UPRT: variants seen among roughly 807,000 people sequenced by gnomAD.
UPRT encodes the protein uracil phosphoribosyltransferase homolog.
A neutral mutation model predicts 22.6 loss-of-function variants in UPRT; 5 were observed. The ratio of observed to expected loss-of-function variants is 0.22; its 90% CI spans 0.12 to 0.47. The LOEUF is 0.47. Ranked by LOEUF, UPRT falls within the 20% of genes least tolerant of loss-of-function variation. UPRT has a pLI of 0.99. For synonymous variants in UPRT, 77 were observed against 87.7 expected (o/e 0.88, Z 0.68); for missense variants, 181 against 239.9 (o/e 0.75, Z 1.62).
chrX:75,209,827 G>C (rs1230633078), intron 4 of UPRT, among the ~76,000 whole-genome samples: 1 of 112,516 alleles, frequency 8.9e-6, no homozygotes, highest in Non-Finnish European at 1.9e-5. Context: ...TGGGAACCCT[G>C]TTGAATGACA....
chrX:75,199,770 T>A (rs778405555), intron 4 of UPRT, among the ~76,000 whole-genome samples: 46 of 111,682 alleles, frequency 4.1e-4, no homozygotes, highest in Non-Finnish European at 7.5e-4. Flanking sequence ...ATACTTTAAG[T>A]TCTGAGATAC....
chrX:75,224,876 C>T (rs1338591648), intron 4 of UPRT, among the ~76,000 whole-genome samples: 1 of 111,547 alleles, frequency 9.0e-6, no homozygotes, highest in Non-Finnish European at 1.9e-5. Context: ...AATGCCTCTA[C>T]ACTCTGTTGC....
intron 4 of UPRT, among the ~76,000 whole-genome samples, chrX:75,181,584 G>C (rs1342294930): frequency 2.7e-5 from 3 of 110,997 alleles, no homozygotes; most frequent in Non-Finnish European, 5.7e-5. Context: ...TGTATTCTGA[G>C]GTATTTTATA....
intron 4 of UPRT, among the ~76,000 whole-genome samples, chrX:75,217,817 G>C (rs1199993026): frequency 8.9e-6 from 1 of 112,201 alleles, no homozygotes; most frequent in African/African-American, 3.2e-5. Flanking sequence ...ATGGTGCTGG[G>C]AAAACTGGCT....
At chrX:75,185,727 A>G (rs1371206568) in intron 4 of UPRT, among the ~76,000 whole-genome samples, 2 of 111,424 alleles carry the variant, frequency 1.8e-5, no homozygotes, top group African/African-American at 6.5e-5. Flanking sequence ...CAGAGATTCA[A>G]CTTCTTCCTG....
At chrX:75,289,961 T>G (rs1221724034) in intron 1 of UPRT, among the ~76,000 whole-genome samples, 1 of 111,679 alleles carries the variant, frequency 9.0e-6, no homozygotes, top group Non-Finnish European at 1.9e-5. Context: ...GAGACCTAAT[T>G]AAACTAAAGA....
At position 75,169,071 on chromosome X, in the gene UPRT, T is replaced by C. The variant is rs187619277; in HGVS notation, c.-447+1192T>C. Among the ~76,000 whole-genome samples, 377 of 111,848 alleles carry C rather than the reference T, an allele frequency of 3.4e-3. 2 individuals carry two copies. Among genetic ancestry groups the C allele is most frequent in the African/African-American group, 0.012 (359 of 30,801 alleles). ...TGAGTTACTTCACTTAGACTAATAG[T>C]CTCCAATCCCATCCAGGTTGCTGCA... On this transcript the variant is annotated intron_variant, in intron 4 of 13. Transcript: ENST00000652605.
chrX:75,232,044 G>C (rs1297441793), intron 4 of UPRT, among the ~76,000 whole-genome samples: 1 of 111,635 alleles, frequency 9.0e-6, no homozygotes, highest in Non-Finnish European at 1.9e-5. Flanking sequence ...CATCTCACTA[G>C]GGAGTGCCAG....
chrX:75,173,787 G>T (rs2082238037), intron 4 of UPRT, among the ~76,000 whole-genome samples: 1 of 111,506 alleles, frequency 9.0e-6, no homozygotes, highest in Admixed American at 9.4e-5. Flanking sequence ...GCGCAGCGCT[G>T]GTGGGCTGGC....
At chrX:75,204,748 C>T (rs1423814436) in intron 4 of UPRT, among the ~76,000 whole-genome samples, 1 of 111,332 alleles carries the variant, frequency 9.0e-6, no homozygotes, top group Non-Finnish European at 1.9e-5. Flanking sequence ...CAAGGAGAGC[C>T]CTTGATTTGG....
intron 4 of UPRT, among the ~76,000 whole-genome samples, chrX:75,246,436 A>T (rs1012536849): frequency 7.3e-5 from 8 of 110,030 alleles, no homozygotes; most frequent in Non-Finnish European, 1.3e-4. Context: ...ACATGAACTC[A>T]TCCTTTTTTG....
intron 4 of UPRT, among the ~76,000 whole-genome samples, chrX:75,230,881 C>A (rs2082436208): frequency 8.9e-6 from 1 of 112,155 alleles, no homozygotes; most frequent in African/African-American, 3.2e-5. Flanking sequence ...TCTTAGGAAG[C>A]CCTATCCTTA....
intron 4 of UPRT, among the ~76,000 whole-genome samples, chrX:75,236,671 C>A (rs1383151678): frequency 2.7e-5 from 3 of 112,224 alleles, no homozygotes; most frequent in Non-Finnish European, 5.6e-5. Flanking sequence ...TGATCTTTGA[C>A]AAACCTGAGA....
intron 1 of UPRT, among the ~76,000 whole-genome samples, chrX:75,288,918 T>C (rs893969933): frequency 8.9e-6 from 1 of 111,889 alleles, no homozygotes; most frequent in African/African-American, 3.2e-5. Context: ...ATGGAAAATA[T>C]GATTCTATAC....
intron 4 of UPRT, among the ~76,000 whole-genome samples, chrX:75,186,442 T>C (rs371641900): frequency 9.0e-6 from 1 of 111,412 alleles, no homozygotes; most frequent in African/African-American, 3.3e-5. Context: ...TTACTTCCAA[T>C]TATGTGGTCA....
intron 1 of UPRT, among the ~76,000 whole-genome samples, chrX:75,280,470 G>A (rs1303542123): frequency 1.8e-5 from 2 of 112,086 alleles, no homozygotes; most frequent in Non-Finnish European, 3.8e-5. Flanking sequence ...TGAGGATCCA[G>A]TTTCATTCTC....
chrX:75,252,217 C>A (rs752039994), intron 4 of UPRT, among the ~76,000 whole-genome samples: 42 of 112,048 alleles, frequency 3.7e-4, no homozygotes, highest in African/African-American at 1.4e-3. Flanking sequence ...CAAATGGGAT[C>A]TAATTCAACT....
At chrX:75,167,409 T>C (rs2082215943) in intron 3 of UPRT, among the ~76,000 whole-genome samples, 1 of 112,041 alleles carries the variant, frequency 8.9e-6, no homozygotes, top group Non-Finnish European at 1.9e-5. Context: ...GCATGAATTG[T>C]ACGACTTCAG....
In UPRT at chrX:75,299,758, C is replaced by T. The variant is rs2147704817; in HGVS notation, c.586C>T (p.Arg196Ter). The T allele has an allele frequency of 1.7e-6, 2 of 1,207,677 alleles. No homozygotes were observed. Among genetic ancestry groups the T allele is most frequent in the South Asian group, 1.8e-5 (1 of 56,282 alleles). The change falls in exon 5 of 7, where the codon CGA (arginine) becomes TGA (stop). Residue 196 changes from arginine to a stop codon, truncating the protein, a stop_gained. Transcript: ENST00000373383. LOFTEE classifies it high-confidence loss of function. ...AGGTGAGGCAATGGAACAAGGTTTA[C>T]GAGACTGCTGTCGATCCATACGAAT... ...RSGEAMEQGLRDCCRSIRIGK... is the reference protein window; with the variant it reads ...RSGEAMEQGL
Sources: allele counts gnomAD v4.1 joint callset (sites outside exome capture counted in the v4.1 genomes callset), GRCh38; gene constraint gnomAD v4.1.1; transcripts MANE v1.5; gene names NCBI Gene and HGNC (gene_info 2026-07-23, HGNC 2026-07-21).